MACROD2: variants seen among roughly 807,000 people sequenced by gnomAD.
The protein encoded by MACROD2 is ADP-ribose glycohydrolase MACROD2.
Under a neutral mutation model 70.4 loss-of-function variants are expected in MACROD2, and 36 were observed. The ratio of observed to expected loss-of-function variants is 0.51; its 90% CI spans 0.39 to 0.68. The LOEUF is 0.68. MACROD2 is among the 30% of genes least tolerant of loss of function. The pLI, the probability that MACROD2 is intolerant of heterozygous loss-of-function variation, is 0.00. For missense variants in MACROD2, 496 were observed against 538.4 expected, an observed-to-expected ratio of 0.92 and a Z score of 0.78; for synonymous variants, 172 against 178.8, an observed-to-expected ratio of 0.96 and a Z score of 0.30.
At chr20:14,812,188 C>T (rs2072722452) in intron 5 of MACROD2, among the ~76,000 whole-genome samples, 1 of 151,986 alleles carries the variant, frequency 6.6e-6, no homozygotes, top group Admixed American at 6.6e-5. Context: ...AAATGTTCAT[C>T]AATGTTGGAC....
At chr20:15,181,550 G>A (rs1282631398) in intron 5 of MACROD2, among the ~76,000 whole-genome samples, 1 of 152,184 alleles carries the variant, frequency 6.6e-6, no homozygotes, top group Non-Finnish European at 1.5e-5. Flanking sequence ...TAGAAAGTGT[G>A]TGTGTGTTTT....
intron 7 of MACROD2, among the ~76,000 whole-genome samples, chr20:15,447,765 T>G (rs74594035): frequency 5.9e-5 from 9 of 152,192 alleles, no homozygotes; most frequent in African/African-American, 2.2e-4. Flanking sequence ...ACTGGAAACA[T>G]GGGGTAAAAT....
intron 5 of MACROD2, among the ~76,000 whole-genome samples, chr20:15,064,191 C>T (rs924350715): frequency 1.3e-5 from 2 of 152,066 alleles, no homozygotes; most frequent in South Asian, 2.1e-4. Flanking sequence ...TGAGTTGGTA[C>T]GTGACCCCTT....
chr20:14,086,768 T>C (rs1486542710), intron 3 of MACROD2, among the ~76,000 whole-genome samples: 1 of 152,114 alleles, frequency 6.6e-6, no homozygotes, highest in Non-Finnish European at 1.5e-5. Flanking sequence ...AGACAGAGAA[T>C]GGGAATTTGG....
intron 2 of MACROD2, among the ~76,000 whole-genome samples, chr20:14,011,369 A>G (rs1171428750): frequency 1.3e-5 from 2 of 152,050 alleles, no homozygotes; most frequent in Non-Finnish European, 2.9e-5. Flanking sequence ...CATAAACCTG[A>G]CTGTATTTGC....
chr20:15,058,417 CTCAA>C (rs1311530429), intron 5 of MACROD2, among the ~76,000 whole-genome samples: 2 of 152,122 alleles, frequency 1.3e-5, no homozygotes, highest in Admixed American at 1.3e-4. Flanking sequence ...ATACAGGACT[CTCAA>C]TCAAACTTCA....
intron 8 of MACROD2, among the ~76,000 whole-genome samples, chr20:15,536,640 C>T (rs115277951): frequency 0.024 from 3,670 of 152,248 alleles, 143 homozygotes; most frequent in African/African-American, 0.083. Context: ...AGTCGCCAAG[C>T]ACTGGGTTAT....
chr20:15,220,565 G>A (rs1048541131), intron 5 of MACROD2, among the ~76,000 whole-genome samples: 8 of 152,340 alleles, frequency 5.3e-5, no homozygotes, highest in Middle Eastern at 3.4e-3. Context: ...AGCTCTGACC[G>A]ATGGAAACTT....
chr20:15,107,776 TTTG>T lies in MACROD2; in HGVS notation c.419-122152_419-122150del, dbSNP rs756021346. Among the ~76,000 whole-genome samples the T allele has an allele frequency of 3.1e-4, 47 of 152,192 alleles. No individual in the cohort carries two copies. The South Asian group carries it at 3.3e-3, about 11-fold the overall frequency. ...ATCTTAATTTTCCTACTTACCTGTG[TTTG>T]TTGTTGTTGTTTTAATGTGATAGAA... On this transcript the variant is annotated intron_variant, in intron 5 of 17. Coordinates refer to ENST00000684519, the MANE Select transcript of MACROD2 (RefSeq NM_001351661.2).
At chr20:14,256,272 C>T (rs929263105) in intron 3 of MACROD2, among the ~76,000 whole-genome samples, 2 of 151,872 alleles carry the variant, frequency 1.3e-5, no homozygotes, top group East Asian at 1.9e-4. Flanking sequence ...GTCTATTTAT[C>T]TTCTGATATA....
chr20:16,020,879 T>C (rs1267938525), intron 15 of MACROD2, among the ~76,000 whole-genome samples: 2 of 152,158 alleles, frequency 1.3e-5, no homozygotes, highest in African/African-American at 2.4e-5. Context: ...GTCTTCATCT[T>C]ACATTAATTT....
intron 5 of MACROD2, among the ~76,000 whole-genome samples, chr20:14,936,145 A>C (rs764651940): frequency 6.6e-6 from 1 of 152,196 alleles, no homozygotes; most frequent in Non-Finnish European, 1.5e-5. Context: ...GGTATAAAGA[A>C]AACAAATGGT....
intron 3 of MACROD2, among the ~76,000 whole-genome samples, chr20:14,207,460 A>G (rs1310231458): frequency 6.6e-6 from 1 of 152,202 alleles, no homozygotes; most frequent in Non-Finnish European, 1.5e-5. Flanking sequence ...ACCAATACAA[A>G]TAAATTTTGT....
intron 8 of MACROD2, among the ~76,000 whole-genome samples, chr20:15,722,701 A>T (rs2050803763): frequency 6.6e-6 from 1 of 151,938 alleles, no homozygotes; most frequent in South Asian, 2.1e-4. Context: ...TCTTTGCATG[A>T]TATCTTTGAT....
intron 8 of MACROD2, among the ~76,000 whole-genome samples, chr20:15,681,765 G>A (rs1469854637): frequency 1.3e-5 from 2 of 152,184 alleles, no homozygotes; most frequent in African/African-American, 2.4e-5. Context: ...CGACTTCTAT[G>A]TAAATTTGAA....
At chr20:14,085,824 T>A (rs992540256) in intron 3 of MACROD2, 96 bp downstream of exon 3, 1 of 655,574 alleles carries the variant, frequency 1.5e-6, no homozygotes, top group Non-Finnish European at 2.4e-6. Flanking sequence ...AAAAAAATGC[T>A]TTTTGACGTA....
At chr20:14,268,507 G>C (rs2082162994) in intron 3 of MACROD2, among the ~76,000 whole-genome samples, 1 of 152,046 alleles carries the variant, frequency 6.6e-6, no homozygotes, top group Non-Finnish European at 1.5e-5. Flanking sequence ...GAGTTGTTAG[G>C]CTTGCTTAGA....
intron 8 of MACROD2, among the ~76,000 whole-genome samples, chr20:15,746,670 G>A (rs1410902218): frequency 6.6e-6 from 1 of 151,774 alleles, no homozygotes; most frequent in Non-Finnish European, 1.5e-5. Flanking sequence ...TTTATTTCAG[G>A]CTAGGTTCCT....
intron 5 of MACROD2, among the ~76,000 whole-genome samples, chr20:14,868,780 G>A (rs535423533): frequency 6.6e-5 from 10 of 152,140 alleles, no homozygotes; most frequent in African/African-American, 2.4e-4. Flanking sequence ...CATGGTTACA[G>A]GCAGTGTGTG....
Sources: gnomAD v4.1 joint callset for allele counts (sites outside exome capture counted in the v4.1 genomes callset) on GRCh38, gnomAD v4.1.1 for gene constraint, MANE v1.5 for transcripts, NCBI Gene and HGNC (gene_info 2026-07-23, HGNC 2026-07-21) for gene names.